The following ASTN1 variants were observed in gnomAD, a reference collection of about 807,000 sequenced individuals.
ASTN1 encodes astrotactin 1, also known as astrotactin-1.
A neutral mutation model predicts 140.7 loss-of-function variants in ASTN1; 41 were observed. The ratio of observed to expected loss-of-function variants is 0.29; its 90% CI spans 0.23 to 0.38. The LOEUF (loss-of-function observed/expected upper bound fraction) is 0.38, where lower values mean the gene tolerates loss of function less well. Among genes scored for constraint, ASTN1 ranks in the 10% least tolerant of loss-of-function variants. The probability of loss-of-function intolerance (pLI) is 1.00; values close to 1 mark genes in which losing one functional copy is unlikely to be tolerated. For synonymous variants in ASTN1, 640 were observed against 652.2 expected, an observed-to-expected ratio of 0.98 and a Z score of 0.29; for missense variants, 1,479 against 1,678.8, an observed-to-expected ratio of 0.88 and a Z score of 2.08.
At position 177,103,442 on chromosome 1, in the gene ASTN1, C is replaced by T. The variant is rs181237920; in HGVS notation, c.284-42177G>A. 3.8e-4 allele frequency among the ~76,000 whole-genome samples: 58 copies of T among 152,100 alleles called. No homozygotes were observed. In the East Asian group the frequency reaches 9.1e-3, roughly 24 times the overall value. ...AGGATTAGCAGGATAGGGCACTGGG[C>T]GAATTGACTGAAGCCACACTGGGGA... is the stretch of plus-strand genomic sequence containing the variant. On this transcript the variant is annotated intron_variant, in intron 1 of 22. Coordinates refer to ENST00000361833, the MANE Select transcript of ASTN1 (RefSeq NM_004319.3).
intron 1 of ASTN1, among the ~76,000 whole-genome samples, chr1:177,160,690 A>C (rs1247229541): frequency 6.6e-6 from 1 of 152,240 alleles, no homozygotes; most frequent in Non-Finnish European, 1.5e-5. Context: ...TTGAAAGCTG[A>C]AATATGAAAT....
At chr1:176,934,129 T>A (rs1478885589) in intron 16 of ASTN1, 23 bp downstream of exon 16, 1 of 1,589,500 alleles carries the variant, frequency 6.3e-7, no homozygotes, top group African/African-American at 1.3e-5. Context: ...GGTATGGAAT[T>A]TGCCAACAAG....
intron 2 of ASTN1, among the ~76,000 whole-genome samples, chr1:177,058,417 G>A (rs1677913955): frequency 6.6e-6 from 1 of 152,000 alleles, no homozygotes; most frequent in African/African-American, 2.4e-5. Context: ...TTAAGCTGAA[G>A]GAATAATCTC....
At position 177,149,800 on chromosome 1, in the gene ASTN1, TAC is replaced by T. The variant is rs1682947697; in HGVS notation, c.283+14592_283+14593del. On this transcript the variant is annotated intron_variant, in intron 1 of 22. Transcript: ENST00000361833. ...ATAGTAAATATATATACAGTGTATA[TAC>T]ATAGTAAATATATATACAGTGTATA... Among the ~76,000 whole-genome samples the T allele has an allele frequency of 7.1e-5, 8 of 112,646 alleles. 1 individual carries two copies. Among genetic ancestry groups the T allele is most frequent in the African/African-American group, 2.5e-4 (6 of 23,976 alleles). 73.9% of individuals were successfully genotyped at this position (112,646 alleles called of 152,430 possible).
intron 9 of ASTN1, among the ~76,000 whole-genome samples, chr1:176,964,566 T>A (rs1672794983): frequency 6.6e-6 from 1 of 152,182 alleles, no homozygotes; most frequent in African/African-American, 2.4e-5. Context: ...TGTGGGCCTT[T>A]CTAATACGTG....
intron 18 of ASTN1, 128 bp downstream of exon 18, chr1:176,887,943 G>A (rs1557936382): frequency 2.4e-5 from 32 of 1,310,258 alleles, no homozygotes; most frequent in Non-Finnish European, 3.1e-5. Context: ...TAGATTGAAA[G>A]CTCTCTAAAG....
At chr1:176,902,009 G>A (rs1669786612) in intron 16 of ASTN1, among the ~76,000 whole-genome samples, 1 of 152,174 alleles carries the variant, frequency 6.6e-6, no homozygotes, top group Non-Finnish European at 1.5e-5. Flanking sequence ...CTAGCAAGAA[G>A]TCTTTGTCAT....
chr1:177,128,616 G>C (rs1211966695), intron 1 of ASTN1, among the ~76,000 whole-genome samples: 1 of 152,174 alleles, frequency 6.6e-6, no homozygotes, highest in Non-Finnish European at 1.5e-5. Flanking sequence ...TCAAAATCTA[G>C]AAGAAACATC....
intron 1 of ASTN1, among the ~76,000 whole-genome samples, chr1:177,095,447 G>A (rs754526837): frequency 3.9e-5 from 6 of 152,174 alleles, no homozygotes; most frequent in Non-Finnish European, 8.8e-5. Context: ...GAGAGCAAGG[G>A]CCTGGAGGGA....
intron 16 of ASTN1, among the ~76,000 whole-genome samples, chr1:176,899,784 A>G (rs1669688107): frequency 6.6e-6 from 1 of 152,172 alleles, no homozygotes; most frequent in Non-Finnish European, 1.5e-5. Context: ...CTTGGGATGT[A>G]CAATCATGTC....
At chr1:176,892,863 A>G (rs922550856) in intron 17 of ASTN1, among the ~76,000 whole-genome samples, 5 of 152,252 alleles carry the variant, frequency 3.3e-5, no homozygotes, top group African/African-American at 1.2e-4. Context: ...CGGATGGCAA[A>G]GACAAAATAT....
At chr1:176,868,366 G>A (rs1359704953) in intron 22 of ASTN1, among the ~76,000 whole-genome samples, 1 of 152,190 alleles carries the variant, frequency 6.6e-6, no homozygotes, top group African/African-American at 2.4e-5. Context: ...CTCCGGCCAA[G>A]ATTGATGTCA....
intron 8 of ASTN1, among the ~76,000 whole-genome samples, chr1:176,972,663 C>G (rs1222724389): frequency 6.6e-6 from 1 of 151,916 alleles, no homozygotes; most frequent in Non-Finnish European, 1.5e-5. Context: ...CATGCTTGGC[C>G]TCAAACTCAT....
chr1:176,966,918 G>T (rs1571580092), intron 8 of ASTN1, among the ~76,000 whole-genome samples: 1 of 151,742 alleles, frequency 6.6e-6, no homozygotes. Flanking sequence ...GTAGATACAG[G>T]TTTTATTATT....
chr1:177,081,808 T>C (rs1246957157), intron 1 of ASTN1, among the ~76,000 whole-genome samples: 4 of 152,228 alleles, frequency 2.6e-5, no homozygotes, highest in Non-Finnish European at 5.9e-5. Flanking sequence ...GCTGAATTTA[T>C]GCTTTTAGAA....
chr1:176,931,471 AAAATAAATAAATAAAC>A (rs1671202941), intron 16 of ASTN1, among the ~76,000 whole-genome samples: 1 of 152,206 alleles, frequency 6.6e-6, no homozygotes, highest in African/African-American at 2.4e-5. Flanking sequence ...TGTCTTTGAA[AAAATAAATAAATAAAC>A]AAATAAATAA....
intron 1 of ASTN1, among the ~76,000 whole-genome samples, chr1:177,142,496 C>T (rs766399137): frequency 5.9e-5 from 9 of 152,026 alleles, no homozygotes; most frequent in Non-Finnish European, 1.0e-4. Context: ...TCCCAGACAA[C>T]GTGGAGTAGT....
In ASTN1 at chr1:176,862,747, G is replaced by A. The variant is rs777164580; in HGVS notation, c.*1537C>T. 1.1e-6 allele frequency: 1 copy of A among 944,020 alleles called. No individual in the cohort carries two copies. The highest frequency in any genetic ancestry group is 1.3e-6 in the Non-Finnish European group (1 of 792,606). 58.5% of individuals were successfully genotyped at this position (944,020 alleles called of 1,614,324 possible). The stretch of plus-strand genomic sequence containing the variant: ...TAGCACTTTCCTCAGGAGTTGCTGT[G>A]AGAATTCAATGATACCTAAAGTGCT... On this transcript the variant is annotated 3_prime_UTR_variant, in exon 23 of 23. Transcript: ENST00000361833.
intron 8 of ASTN1, among the ~76,000 whole-genome samples, chr1:176,998,000 G>A (rs757053834): frequency 1.1e-4 from 16 of 152,140 alleles, no homozygotes; most frequent in African/African-American, 2.2e-4. Context: ...CAGTTCAATC[G>A]GGCTTTGAAA....
Sources: gnomAD v4.1 joint callset for allele counts (sites outside exome capture counted in the v4.1 genomes callset) on GRCh38, gnomAD v4.1.1 for gene constraint, MANE v1.5 for transcripts, NCBI Gene and HGNC (gene_info 2026-07-23, HGNC 2026-07-21) for gene names.